Variants in BBS9 observed in about 807,000 individuals in gnomAD.
The protein encoded by BBS9 is Bardet-Biedl syndrome 9.
Under a neutral mutation model 117.7 loss-of-function variants are expected in BBS9, and 89 were observed. The ratio of observed to expected loss-of-function variants is 0.76; its 90% CI spans 0.64 to 0.90. The LOEUF (loss-of-function observed/expected upper bound fraction) is 0.90. Ranked by LOEUF, BBS9 falls within the 40% of genes least tolerant of loss-of-function variation. The pLI is 0.00. For synonymous variants in BBS9, 379 were observed against 370.9 expected (o/e 1.02, Z -0.25); for missense variants, 982 against 1,042.2 (o/e 0.94, Z 0.80).
At chr7:33,609,011 A>T (rs1251791717), downstream of BBS9, among the ~76,000 whole-genome samples, 10 of 152,062 alleles carry the variant, frequency 6.6e-5, no homozygotes, top group Admixed American at 6.6e-4. Context: ...TAAATCTTTT[A>T]TCCATTTTGA....
In BBS9 at chr7:33,534,191, C is replaced by T. The variant is rs1266173116; in HGVS notation, c.2521+15C>T. The T allele has an allele frequency of 1.2e-6, 2 of 1,608,232 alleles. No individual in the cohort carries two copies. Among genetic ancestry groups the T allele is most frequent in the Admixed American group, 1.7e-5 (1 of 59,812 alleles). On this transcript the variant is annotated intron_variant, in intron 21 of 22. Transcript: ENST00000242067. ...GGTCATGCCAGGTAAGAGCTCTGTC[C>T]ATGCTCCCTAATCACAATTGTACTT...
intron 7 of BBS9, among the ~76,000 whole-genome samples, chr7:33,266,547 T>C (rs528211155): frequency 1.3e-5 from 2 of 151,918 alleles, no homozygotes; most frequent in Non-Finnish European, 1.5e-5. Flanking sequence ...AGAATGTGTA[T>C]TTTTTTTGTT....
At chr7:33,280,421 CT>C (rs11368362) in intron 9 of BBS9, among the ~76,000 whole-genome samples, 75,197 of 151,900 alleles carry the variant, frequency 0.5, 18,974 homozygotes, top group Admixed American at 0.57. Context: ...TTTCATTGAT[CT>C]AATATTGTTG....
intron 9 of BBS9, among the ~76,000 whole-genome samples, chr7:33,280,429 G>A (rs891140881): frequency 1.3e-5 from 2 of 151,972 alleles, no homozygotes; most frequent in Non-Finnish European, 2.9e-5. Flanking sequence ...ATCTAATATT[G>A]TTGACCAGAA....
intron 19 of BBS9, among the ~76,000 whole-genome samples, chr7:33,464,647 AAATAAAAAGTGCTAGTGATTT>A: frequency 6.6e-6 from 1 of 152,096 alleles, no homozygotes; most frequent in South Asian, 2.1e-4. Context: ...GTTAGGTTGT[AAATAAAAAGTGCTAGTGATTT>A]CATTCTCAGT....
chr7:33,326,428 G>T (rs1013308267), intron 9 of BBS9, among the ~76,000 whole-genome samples: 1 of 152,114 alleles, frequency 6.6e-6, no homozygotes, highest in Non-Finnish European at 1.5e-5. Context: ...CTGTCCGAGA[G>T]CCAAGGATTA....
At chr7:33,405,282 C>G (rs145606258) in intron 19 of BBS9, among the ~76,000 whole-genome samples, 1,868 of 152,248 alleles carry the variant, frequency 0.012, 38 homozygotes, top group African/African-American at 0.043. Flanking sequence ...CAATGTTCAT[C>G]AAGGATATTG....
intron 4 of BBS9, among the ~76,000 whole-genome samples, chr7:33,171,158 C>T (rs1016780358): frequency 6.6e-6 from 1 of 152,118 alleles, no homozygotes; most frequent in Non-Finnish European, 1.5e-5. Context: ...CAATCCCAAG[C>T]CAGAAGAACA....
intron 5 of BBS9, among the ~76,000 whole-genome samples, chr7:33,214,617 C>T (rs1788683040): frequency 6.6e-6 from 1 of 152,108 alleles, no homozygotes. Context: ...TCTTGCTCTG[C>T]CCTCCTAAGA....
chr7:33,485,022 C>T (rs1563240711), intron 19 of BBS9, among the ~76,000 whole-genome samples: 1 of 152,178 alleles, frequency 6.6e-6, no homozygotes, highest in Non-Finnish European at 1.5e-5. Flanking sequence ...AAGCCGTTAT[C>T]CTCAGCAAAC....
chr7:33,457,067 G>A (rs1838758440), intron 19 of BBS9, among the ~76,000 whole-genome samples: 1 of 152,166 alleles, frequency 6.6e-6, no homozygotes, highest in African/African-American at 2.4e-5. Flanking sequence ...ATACGTGTAC[G>A]TCAGACTATT....
chr7:33,166,273 C>T (rs189530937), intron 4 of BBS9, among the ~76,000 whole-genome samples: 34 of 152,284 alleles, frequency 2.2e-4, no homozygotes, highest in African/African-American at 7.2e-4. Flanking sequence ...GTCAGTCAAC[C>T]CCTACTGGGA....
At chr7:33,201,743 A>G (rs954715508) in intron 5 of BBS9, among the ~76,000 whole-genome samples, 2 of 151,952 alleles carry the variant, frequency 1.3e-5, no homozygotes, top group South Asian at 4.2e-4. Context: ...AGAGAAGGGG[A>G]CATAGAGTCT....
chr7:33,452,821 GATA>G (rs771910086), intron 19 of BBS9, among the ~76,000 whole-genome samples: 3 of 152,138 alleles, frequency 2.0e-5, no homozygotes, highest in Non-Finnish European at 2.9e-5. Context: ...ATATAAAAGT[GATA>G]ATAACGCAAA....
chr7:33,617,748 A>C (rs375625476), intron 21 of BBS9, among the ~76,000 whole-genome samples: 1 of 152,228 alleles, frequency 6.6e-6, no homozygotes, highest in African/African-American at 2.4e-5. Flanking sequence ...AACACAGTGA[A>C]TGAACTGAAA....
intron 5 of BBS9, among the ~76,000 whole-genome samples, chr7:33,227,234 G>A (rs1032440175): frequency 2.0e-5 from 3 of 150,776 alleles, no homozygotes; most frequent in Admixed American, 1.3e-4. Flanking sequence ...TGCAACCTCC[G>A]CCTTCCAGGT....
chr7:33,350,235 T>A (rs1334062869), intron 13 of BBS9, among the ~76,000 whole-genome samples: 1 of 152,176 alleles, frequency 6.6e-6, no homozygotes, highest in South Asian at 2.1e-4. Flanking sequence ...TCTTTCTTTT[T>A]TTGCCTCCAC....
chr7:33,497,906 T>C (rs1395798219), intron 19 of BBS9, among the ~76,000 whole-genome samples: 1 of 152,122 alleles, frequency 6.6e-6, no homozygotes, highest in Non-Finnish European at 1.5e-5. Flanking sequence ...CCTTTTTCAA[T>C]GTCATTATTA....
At chr7:33,375,094 A>G (rs750038422) in intron 17 of BBS9, among the ~76,000 whole-genome samples, 4 of 152,134 alleles carry the variant, frequency 2.6e-5, no homozygotes, top group African/African-American at 7.2e-5. Flanking sequence ...TCTGACACAC[A>G]TAAAGACTGA....
Sources: gnomAD v4.1 joint callset for allele counts (sites outside exome capture counted in the v4.1 genomes callset) on GRCh38, gnomAD v4.1.1 for gene constraint, MANE v1.5 for transcripts, NCBI Gene and HGNC (gene_info 2026-07-23, HGNC 2026-07-21) for gene names.